MED12L: variants seen among roughly 807,000 people sequenced by gnomAD.
The protein encoded by MED12L is mediator of RNA polymerase II transcription subunit 12-like protein.
MED12L carries 60 observed loss-of-function variants against 281.3 expected under a neutral mutation model. The observed-to-expected ratio is 0.21, with a 90% confidence interval of 0.17 to 0.26. The LOEUF (loss-of-function observed/expected upper bound fraction) is 0.26. MED12L is among the 10% of genes least tolerant of loss of function. The probability of loss-of-function intolerance (pLI) is 1.00; values close to 1 mark genes in which losing one functional copy is unlikely to be tolerated. For missense variants in MED12L, 2,146 were observed against 2,680.9 expected (o/e 0.80, Z 4.41); for synonymous variants, 974 against 987.2 (o/e 0.99, Z 0.25).
At chr3:151,278,087 TGGA>T (rs1376672214) in intron 16 of MED12L, among the ~76,000 whole-genome samples, 2 of 152,240 alleles carry the variant, frequency 1.3e-5, no homozygotes, top group Non-Finnish European at 2.9e-5. Flanking sequence ...ATTTCAGTAT[TGGA>T]TCCCCATATT....
chr3:151,333,238 G>A (rs1577353272), intron 16 of MED12L, among the ~76,000 whole-genome samples: 2 of 152,182 alleles, frequency 1.3e-5, no homozygotes, highest in East Asian at 1.9e-4. Flanking sequence ...ATAGAATAAC[G>A]CCTATTCCTT....
chr3:151,319,693 A>G (rs530934985), intron 16 of MED12L, among the ~76,000 whole-genome samples: 2 of 152,288 alleles, frequency 1.3e-5, no homozygotes, highest in South Asian at 2.1e-4. Flanking sequence ...CAACATATTT[A>G]CTGACGACAG....
intron 32 of MED12L, 55 bp downstream of exon 32, chr3:151,380,279 T>A: frequency 8.2e-7 from 1 of 1,217,006 alleles, no homozygotes; most frequent in South Asian, 1.3e-5. Context: ...GGCATTCATT[T>A]ATTTGCCTTT....
At chr3:151,369,806 A>G (rs1755961251) in intron 26 of MED12L, among the ~76,000 whole-genome samples, 1 of 152,096 alleles carries the variant, frequency 6.6e-6, no homozygotes, top group African/African-American at 2.4e-5. Context: ...TCTCATTCTG[A>G]TGTAAAATAG....
chr3:151,374,123 C>T (rs182260177), intron 27 of MED12L, among the ~76,000 whole-genome samples: 3 of 152,198 alleles, frequency 2.0e-5, no homozygotes, highest in South Asian at 2.1e-4. Flanking sequence ...TTCCCAAAAA[C>T]GTCAATTTAC....
intron 2 of MED12L, among the ~76,000 whole-genome samples, chr3:151,114,890 AT>A (rs1712487782): frequency 6.6e-6 from 1 of 151,810 alleles, no homozygotes; most frequent in African/African-American, 2.4e-5. Flanking sequence ...TTTAGACCAC[AT>A]TTTCATGTGG....
intron 16 of MED12L, among the ~76,000 whole-genome samples, chr3:151,324,356 T>C (rs1253837511): frequency 2.0e-5 from 3 of 152,118 alleles, no homozygotes; most frequent in African/African-American, 7.2e-5. Context: ...GCATCTGGGC[T>C]GGTTACTACC....
chr3:151,338,430 A>T, intron 16 of MED12L: 2 of 1,614,080 alleles, frequency 1.2e-6, no homozygotes, highest in Non-Finnish European at 1.7e-6. Context: ...CTTAGCCCCC[A>T]AGAGATTTTT....
At chr3:151,297,321 A>G (rs1235437386) in intron 16 of MED12L, among the ~76,000 whole-genome samples, 2 of 152,202 alleles carry the variant, frequency 1.3e-5, no homozygotes, top group African/African-American at 4.8e-5. Flanking sequence ...GAACTTCTTA[A>G]GATGTGTGGC....
intron 16 of MED12L, chr3:151,295,144 G>A: frequency 6.2e-7 from 1 of 1,613,258 alleles, no homozygotes; most frequent in Non-Finnish European, 8.5e-7. Flanking sequence ...TGTGAAGGGT[G>A]GTGTTCTTTC....
chr3:151,186,478 TC>T (rs1723301656), intron 12 of MED12L, among the ~76,000 whole-genome samples: 1 of 152,186 alleles, frequency 6.6e-6, no homozygotes, highest in African/African-American at 2.4e-5. Flanking sequence ...TGTGCCCTTC[TC>T]CCCAGGGTCA....
chr3:151,359,581 T>G (rs1164303784), intron 20 of MED12L, among the ~76,000 whole-genome samples: 2 of 152,184 alleles, frequency 1.3e-5, no homozygotes, highest in African/African-American at 4.8e-5. Flanking sequence ...AAACCTAAGC[T>G]GTTGTCTTGC....
chr3:151,366,136 C>T (rs1755240733), intron 23 of MED12L, 145 bp downstream of exon 23: 2 of 617,506 alleles, frequency 3.2e-6, no homozygotes, highest in African/African-American at 3.8e-5. Context: ...AAGCAGTAAA[C>T]CACAATGACA....
At chr3:151,145,796 A>G (rs549382443) in intron 5 of MED12L, among the ~76,000 whole-genome samples, 7 of 152,188 alleles carry the variant, frequency 4.6e-5, no homozygotes, top group Non-Finnish European at 1.0e-4. Context: ...CGTTGATGGC[A>G]CCAGGACCAC....
intron 16 of MED12L, among the ~76,000 whole-genome samples, chr3:151,235,352 G>C (rs1462955573): frequency 6.6e-6 from 1 of 152,168 alleles, no homozygotes; most frequent in Non-Finnish European, 1.5e-5. Context: ...TAGCAGGAAT[G>C]TTCAGGTGAA....
chr3:151,218,687 T>C (rs895823642), intron 16 of MED12L, among the ~76,000 whole-genome samples: 7 of 151,608 alleles, frequency 4.6e-5, no homozygotes, highest in African/African-American at 1.7e-4. Context: ...GCCAACATGA[T>C]GAAACCCTGC....
At chr3:151,105,432 C>A (rs1191458193) in intron 2 of MED12L, among the ~76,000 whole-genome samples, 1 of 152,170 alleles carries the variant, frequency 6.6e-6, no homozygotes, top group Non-Finnish European at 1.5e-5. Context: ...CTGCCCTCAT[C>A]TTTCTGCTGA....
chr3:151,370,356 A>T (rs1756020084), intron 26 of MED12L, among the ~76,000 whole-genome samples: 1 of 152,152 alleles, frequency 6.6e-6, no homozygotes, highest in South Asian at 2.1e-4. Flanking sequence ...TACTGAGTGG[A>T]TAGGAATTGC....
At chr3:151,286,336 C>T (rs1322932365) in intron 16 of MED12L, among the ~76,000 whole-genome samples, 2 of 152,162 alleles carry the variant, frequency 1.3e-5, no homozygotes, top group Non-Finnish European at 2.9e-5. Flanking sequence ...GATAGTTTTG[C>T]TTTGGAGTAG....
Sources: allele counts gnomAD v4.1 joint callset (sites outside exome capture counted in the v4.1 genomes callset), GRCh38; gene constraint gnomAD v4.1.1; transcripts MANE v1.5; gene names NCBI Gene and HGNC (gene_info 2026-07-23, HGNC 2026-07-21).